RANBP2: variants seen among roughly 807,000 people sequenced by gnomAD.
RANBP2 encodes the protein E3 SUMO-protein ligase RanBP2.
RANBP2 carries 57 observed loss-of-function variants against 303.6 expected under a neutral mutation model. The observed-to-expected ratio is 0.19, with a 90% confidence interval of 0.15 to 0.23. The LOEUF (loss-of-function observed/expected upper bound fraction) is 0.23. Ranked by LOEUF, RANBP2 falls within the 10% of genes least tolerant of loss-of-function variation. The pLI, the probability that RANBP2 is intolerant of heterozygous loss-of-function variation, is 1.00. For synonymous variants in RANBP2, 1,167 were observed against 1,301.5 expected (o/e 0.90, Z 2.23); for missense variants, 3,138 against 3,780.8 (o/e 0.83, Z 4.46).
chr2:109,199,372 A>G, the RANBP2 span, among the ~76,000 whole-genome samples: 3 of 77,914 alleles, frequency 3.9e-5, no homozygotes, highest in Admixed American at 1.1e-4. Flanking sequence ...ATGGAATGGA[A>G]TGGAATGGAA....
At chr2:109,511,598 G>A in the RANBP2 span, among the ~76,000 whole-genome samples, 1 of 152,190 alleles carries the variant, frequency 6.6e-6, no homozygotes, top group African/African-American at 2.4e-5. Flanking sequence ...CAGAAGGTGG[G>A]AGCCTGCAGG....
At chr2:109,060,439 C>G in the RANBP2 span, among the ~76,000 whole-genome samples, 1 of 152,144 alleles carries the variant, frequency 6.6e-6, no homozygotes, top group East Asian at 1.9e-4. Flanking sequence ...ACACCCAGGT[C>G]CCCCCATTTT....
At chr2:109,294,683 G>A in the RANBP2 span, among the ~76,000 whole-genome samples, 5 of 152,126 alleles carry the variant, frequency 3.3e-5, no homozygotes, top group African/African-American at 9.7e-5. Context: ...ATGTGGTGAC[G>A]GGGCTGGGCT....
chr2:109,313,038 T>G, the RANBP2 span, among the ~76,000 whole-genome samples: 3 of 152,186 alleles, frequency 2.0e-5, no homozygotes, highest in African/African-American at 7.2e-5. Flanking sequence ...TCTGCAGTGT[T>G]AAGAAGAGGC....
chr2:109,764,990 T>C, the RANBP2 span, among the ~76,000 whole-genome samples: 6,682 of 80,400 alleles, frequency 0.083, 757 homozygotes, highest in Middle Eastern at 0.15. Flanking sequence ...CAACATACAA[T>C]AGTATAATAA....
the RANBP2 span, chr2:109,491,027 T>G: frequency 8.1e-7 from 1 of 1,241,036 alleles, no homozygotes; most frequent in Non-Finnish European, 1.1e-6. Context: ...CACTGTGGCC[T>G]TGCTGGGATT....
At chr2:109,022,246 A>T in the RANBP2 span, among the ~76,000 whole-genome samples, 3 of 152,166 alleles carry the variant, frequency 2.0e-5, no homozygotes, top group Non-Finnish European at 4.4e-5. Context: ...TGGGCTGGGA[A>T]CGCCAATACT....
the RANBP2 span, among the ~76,000 whole-genome samples, chr2:108,916,626 G>A: frequency 1.3e-5 from 2 of 152,222 alleles, no homozygotes; most frequent in South Asian, 2.1e-4. Flanking sequence ...GGCTGCAGGT[G>A]TAGGCTGGGT....
the RANBP2 span, among the ~76,000 whole-genome samples, chr2:109,353,370 C>T: frequency 1.3e-5 from 2 of 152,232 alleles, no homozygotes; most frequent in African/African-American, 4.8e-5. Context: ...GAGGTGGGGG[C>T]TACCCTCTCC....
chr2:109,429,821 G>A, the RANBP2 span, among the ~76,000 whole-genome samples: 1 of 152,242 alleles, frequency 6.6e-6, no homozygotes, highest in Non-Finnish European at 1.5e-5. Flanking sequence ...GGCCACCCGA[G>A]CAGAGGTAGC....
intron 1 of RANBP2, among the ~76,000 whole-genome samples, chr2:108,722,866 G>A (rs1374368640): frequency 1.3e-5 from 2 of 151,742 alleles, no homozygotes; most frequent in Admixed American, 6.6e-5. Flanking sequence ...ACTCCAGCCT[G>A]TGTGACAGAG....
the RANBP2 span, among the ~76,000 whole-genome samples, chr2:109,426,204 C>T: frequency 3.9e-5 from 6 of 152,176 alleles, no homozygotes; most frequent in Admixed American, 3.9e-4. Context: ...CCACTGCGCC[C>T]GGCCAAGCAG....
At chr2:109,339,183 G>A in the RANBP2 span, among the ~76,000 whole-genome samples, 1 of 151,766 alleles carries the variant, frequency 6.6e-6, no homozygotes, top group Non-Finnish European at 1.5e-5. Context: ...AGGCAGAGAA[G>A]GGAGGCACAC....
the RANBP2 span, among the ~76,000 whole-genome samples, chr2:109,408,279 A>C: frequency 2.0e-5 from 3 of 152,184 alleles, no homozygotes; most frequent in Non-Finnish European, 4.4e-5. Context: ...GTAAAGCAGG[A>C]GGAAACCAGG....
the RANBP2 span, among the ~76,000 whole-genome samples, chr2:109,274,374 G>A: frequency 6.6e-6 from 1 of 152,168 alleles, no homozygotes; most frequent in Non-Finnish European, 1.5e-5. Context: ...GAAAAGGTGG[G>A]ACCAGCCCAA....
At chr2:108,770,947 T>C (rs3096771) in intron 20 of RANBP2, among the ~76,000 whole-genome samples, 3 of 152,144 alleles carry the variant, frequency 2.0e-5, no homozygotes, top group African/African-American at 4.8e-5. Flanking sequence ...TCCCTATCAC[T>C]AGTTGGTATA....
chr2:109,056,886 A>C, the RANBP2 span, among the ~76,000 whole-genome samples: 1 of 152,270 alleles, frequency 6.6e-6, no homozygotes, highest in Non-Finnish European at 1.5e-5. Flanking sequence ...GAAGGCTCAC[A>C]GTCAAGCTGT....
At chr2:109,334,084 T>C in the RANBP2 span, among the ~76,000 whole-genome samples, 1 of 152,136 alleles carries the variant, frequency 6.6e-6, no homozygotes, top group Non-Finnish European at 1.5e-5. Context: ...CAAAACCAGG[T>C]TCAGAGGCTC....
At chr2:109,085,024 G>T in the RANBP2 span, among the ~76,000 whole-genome samples, 11 of 152,242 alleles carry the variant, frequency 7.2e-5, no homozygotes, top group East Asian at 1.2e-3. Context: ...CTCTCACTGC[G>T]GGGGACAGAG....
Sources: gnomAD v4.1 joint callset for allele counts (sites outside exome capture counted in the v4.1 genomes callset) on GRCh38, gnomAD v4.1.1 for gene constraint, MANE v1.5 for transcripts, NCBI Gene and HGNC (gene_info 2026-07-23, HGNC 2026-07-21) for gene names.